Variants in PGM5 observed in about 807,000 individuals in gnomAD.
The protein encoded by PGM5 is phosphoglucomutase 5.
Under a neutral mutation model 59.2 loss-of-function variants are expected in PGM5, and 23 were observed. The ratio of observed to expected loss-of-function variants is 0.39; its 90% CI spans 0.28 to 0.55. The LOEUF (loss-of-function observed/expected upper bound fraction) is 0.55. Ranked by LOEUF, PGM5 falls within the 20% of genes least tolerant of loss-of-function variation. The pLI, the probability that PGM5 is intolerant of heterozygous loss-of-function variation, is 0.66. For missense variants in PGM5, 574 were observed against 748.3 expected, an observed-to-expected ratio of 0.77 and a Z score of 2.72; for synonymous variants, 214 against 286.0, an observed-to-expected ratio of 0.75 and a Z score of 2.54.
chr9:68,400,525 C>T (rs1822638454), intron 6 of PGM5: 1 of 152,648 alleles, frequency 6.6e-6, no homozygotes, highest in Admixed American at 6.5e-5. Context: ...GTTCCCTCCA[C>T]CCCAACAGAT....
chr9:68,387,964 C>T (rs562781093), intron 4 of PGM5, among the ~76,000 whole-genome samples: 3 of 150,884 alleles, frequency 2.0e-5, no homozygotes, highest in African/African-American at 7.3e-5. Context: ...TAAATTTTTC[C>T]ATTTTTTCAG....
intron 10 of PGM5, among the ~76,000 whole-genome samples, chr9:68,509,317 A>T (rs1824707827): frequency 6.6e-6 from 1 of 152,224 alleles, no homozygotes; most frequent in African/African-American, 2.4e-5. Context: ...GAAAGCTGTT[A>T]AAGGTTTATA....
intron 6 of PGM5, among the ~76,000 whole-genome samples, chr9:68,458,768 T>TTTTATGTTCATTTTATTAA (rs1823816353): frequency 1.3e-5 from 2 of 152,174 alleles, no homozygotes; most frequent in Admixed American, 1.3e-4. Flanking sequence ...TAGCCTCATG[T>TTTTATGTTCATTTTATTAA]TTTATGTTCA....
At chr9:68,471,606 C>A (rs782338144) in intron 7 of PGM5, among the ~76,000 whole-genome samples, 11 of 149,998 alleles carry the variant, frequency 7.3e-5, no homozygotes, top group Non-Finnish European at 1.0e-4. Context: ...CACAAAAAGA[C>A]CCTGTCTCTT....
At chr9:68,412,865 G>A (rs550867058) in intron 6 of PGM5, among the ~76,000 whole-genome samples, 1 of 152,308 alleles carries the variant, frequency 6.6e-6, no homozygotes, top group African/African-American at 2.4e-5. Context: ...GTGCGGTTAA[G>A]GAGAAATCCA....
rs147663438 is a variant in PGM5, at chr9:68,439,880, T to C, written c.1044-25213T>C. Among the ~76,000 whole-genome samples the C allele has an allele frequency of 1.2e-4, 18 of 151,992 alleles. No homozygotes were observed. The East Asian group carries it at 3.3e-3, about 28-fold the overall frequency. On this transcript the variant is annotated intron_variant, in intron 6 of 10. Coordinates refer to ENST00000396396, the MANE Select transcript of PGM5 (RefSeq NM_021965.4). ...AAGTTAGGGAAAATGACTTTTAAAG[T>C]TTTGTAGAAACTCCTGGGCTCACCT...
chr9:68,487,846 G>A (rs1407064879), intron 9 of PGM5, among the ~76,000 whole-genome samples: 1 of 152,180 alleles, frequency 6.6e-6, no homozygotes, highest in Non-Finnish European at 1.5e-5. Context: ...TGGGTGTGCA[G>A]GCTTGAAGTC....
At chr9:68,396,340 T>C (rs1822501331) in intron 6 of PGM5, 1 of 152,226 alleles carries the variant, frequency 6.6e-6, no homozygotes, top group South Asian at 2.1e-4. Flanking sequence ...CCAATAATTA[T>C]AATTGGATCA....
intron 6 of PGM5, among the ~76,000 whole-genome samples, chr9:68,458,740 G>C (rs1182332836): frequency 6.6e-6 from 1 of 152,128 alleles, no homozygotes; most frequent in Non-Finnish European, 1.5e-5. Context: ...AAAAACTTTT[G>C]TAGTTATCTT....
intron 6 of PGM5, among the ~76,000 whole-genome samples, chr9:68,426,617 T>A (rs566447825): frequency 5.1e-4 from 77 of 151,448 alleles, no homozygotes; most frequent in African/African-American, 1.3e-3. Context: ...TTTATTATTT[T>A]TTTTTTTTTT....
In PGM5 at chr9:68,356,871, G is replaced by A. The variant is rs1554675705; in HGVS notation, c.-257G>A. ...GGGCAGCTCGGGCGGTCTGGCAGCG[G>A]AGAAGGTGGGTGGGAGAAAACTTTA... On this transcript the variant is annotated 5_prime_UTR_variant, in exon 1 of 11. Transcript: ENST00000396396. The A allele has an allele frequency of 2.5e-6, 1 of 402,510 alleles. No individual in the cohort carries two copies. The highest frequency in any genetic ancestry group is 2.1e-5 in the African/African-American group (1 of 47,366). 24.9% of individuals were successfully genotyped at this position (402,510 alleles called of 1,614,324 possible). A position where few individuals can be genotyped will look rare whatever the true frequency, so the allele number is the denominator to read the frequency against.
intron 6 of PGM5, among the ~76,000 whole-genome samples, chr9:68,404,144 G>A (rs2639599): frequency 1.3e-5 from 2 of 152,006 alleles, no homozygotes; most frequent in African/African-American, 4.8e-5. Flanking sequence ...GTTTTGTTTT[G>A]GAGATGAAGT....
chr9:68,456,470 C>A (rs1239609896), intron 6 of PGM5, among the ~76,000 whole-genome samples: 30 of 146,146 alleles, frequency 2.1e-4, no homozygotes, highest in African/African-American at 7.5e-4. Flanking sequence ...GCCACCACGC[C>A]TGGCTAATTT....
chr9:68,521,256 C>T (rs1416481839), intron 10 of PGM5, among the ~76,000 whole-genome samples: 1 of 152,216 alleles, frequency 6.6e-6, no homozygotes, highest in East Asian at 1.9e-4. Context: ...TTTGGAATAG[C>T]ACTTGGCACA....
intron 10 of PGM5, among the ~76,000 whole-genome samples, chr9:68,513,686 C>T (rs904999550): frequency 5.9e-5 from 9 of 152,158 alleles, no homozygotes; most frequent in Non-Finnish European, 8.8e-5. Flanking sequence ...CCCCATTTCC[C>T]TAGGAAGTAG....
intron 6 of PGM5, among the ~76,000 whole-genome samples, chr9:68,399,462 T>G (rs1181749301): frequency 6.6e-6 from 1 of 152,174 alleles, no homozygotes; most frequent in Non-Finnish European, 1.5e-5. Context: ...AGGCCAACAC[T>G]TCATGTTGTC....
chr9:68,470,080 T>C (rs988954742), intron 7 of PGM5, among the ~76,000 whole-genome samples: 1 of 152,344 alleles, frequency 6.6e-6, no homozygotes, highest in Non-Finnish European at 1.5e-5. Context: ...ATCATCATAA[T>C]TATTAGCACA....
chr9:68,517,578 T>G (rs1428736352), intron 10 of PGM5, among the ~76,000 whole-genome samples: 1 of 152,214 alleles, frequency 6.6e-6, no homozygotes, highest in Non-Finnish European at 1.5e-5. Flanking sequence ...TGGTGGGCAC[T>G]CTGGTGATGC....
Position 68,413,343 on chromosome 9 carries a change from G to A in PGM5, c.1043+20870G>A, listed in dbSNP as rs529334707. On this transcript the variant is annotated intron_variant, in intron 6 of 10. Coordinates refer to ENST00000396396, the MANE Select transcript of PGM5 (RefSeq NM_021965.4). ...GGTAAGAAAGGCTCCCAGTGATGGT[G>A]ACTCTCAATGGAGGGAAATTCTCCC... is the stretch of plus-strand genomic sequence containing the variant. Among the ~76,000 whole-genome samples the A allele has an allele frequency of 6.4e-3, 970 of 150,952 alleles. 12 individuals are homozygous for A. The highest frequency in any genetic ancestry group is 0.031 in the East Asian group (159 of 5,156).
Sources: gnomAD v4.1 joint callset for allele counts (sites outside exome capture counted in the v4.1 genomes callset) on GRCh38, gnomAD v4.1.1 for gene constraint, MANE v1.5 for transcripts, NCBI Gene and HGNC (gene_info 2026-07-23, HGNC 2026-07-21) for gene names.